Variants in PSD3 observed in about 807,000 individuals in gnomAD.
The protein encoded by PSD3 is PH and SEC7 domain-containing protein 3.
In PSD3, 49 loss-of-function variants were observed where a neutral mutation model predicts 105.5. The observed-to-expected ratio is 0.46, with a 90% CI of 0.37 to 0.59. PSD3 has a LOEUF of 0.59. Among genes scored for constraint, PSD3 ranks in the 20% least tolerant of loss-of-function variants. PSD3 has a pLI of 0.00. For missense variants in PSD3, 1,561 were observed against 1,263.8 expected, an observed-to-expected ratio of 1.24 and a Z score of -3.57; for synonymous variants, 557 against 457.8, an observed-to-expected ratio of 1.22 and a Z score of -2.77.
chr8:18,567,841 C>G (rs1461208198), intron 14 of PSD3, among the ~76,000 whole-genome samples: 1 of 152,190 alleles, frequency 6.6e-6, no homozygotes, highest in Non-Finnish European at 1.5e-5. Flanking sequence ...CTTGTCCCCT[C>G]CGAATCTCAT....
At chr8:18,691,352 G>A (rs181018537) in intron 9 of PSD3, among the ~76,000 whole-genome samples, 7 of 152,250 alleles carry the variant, frequency 4.6e-5, no homozygotes, top group South Asian at 2.1e-4. Context: ...GAACAAAGAC[G>A]GCCTCTGTGT....
chr8:18,821,861 ATGCACACACAC>A (rs1563312589), intron 4 of PSD3, among the ~76,000 whole-genome samples: 1 of 125,878 alleles, frequency 7.9e-6, no homozygotes, highest in South Asian at 2.7e-4. Flanking sequence ...ATGCACACAC[ATGCACACACAC>A]CACACACACA....
intron 1 of PSD3, among the ~76,000 whole-genome samples, chr8:19,026,701 C>CAAAAAAAAAAA (rs10669321): frequency 1.2e-5 from 1 of 82,244 alleles, no homozygotes; most frequent in Non-Finnish European, 2.3e-5. Flanking sequence ...CACATCTCTA[C>CAAAAAAAAAAA]AAAAAAAAAA....
At chr8:18,878,331 A>G (rs535782161) in intron 2 of PSD3, among the ~76,000 whole-genome samples, 1 of 152,304 alleles carries the variant, frequency 6.6e-6, no homozygotes, top group Non-Finnish European at 1.5e-5. Context: ...ACATATTTGT[A>G]GATTCCTCAG....
intron 9 of PSD3, among the ~76,000 whole-genome samples, chr8:18,693,560 T>C (rs951374633): frequency 3.2e-4 from 48 of 152,172 alleles, no homozygotes; most frequent in African/African-American, 1.1e-3. Flanking sequence ...CCCTGTAAGC[T>C]GGAAACAAAG....
chr8:18,978,008 T>C (rs1825037028), intron 1 of PSD3, among the ~76,000 whole-genome samples: 1 of 152,220 alleles, frequency 6.6e-6, no homozygotes, highest in South Asian at 2.1e-4. Context: ...ATACGTTCGA[T>C]ATCATGACGC....
chr8:19,032,581 C>G (rs908768397), intron 1 of PSD3, among the ~76,000 whole-genome samples: 1 of 150,024 alleles, frequency 6.7e-6, no homozygotes, highest in African/African-American at 2.5e-5. Flanking sequence ...GCTCGGGAGG[C>G]CAAGGCTGCA....
intron 2 of PSD3, among the ~76,000 whole-genome samples, chr8:18,913,086 A>AACACACACACACACACAC (rs72253853): frequency 2.3e-5 from 3 of 130,462 alleles, no homozygotes; most frequent in South Asian, 2.6e-4. Flanking sequence ...CACACACACA[A>AACACACACACACACACAC]ACACACACAC....
At chr8:18,635,748 G>C (rs182866977) in intron 10 of PSD3, among the ~76,000 whole-genome samples, 36 of 152,192 alleles carry the variant, frequency 2.4e-4, no homozygotes, top group Non-Finnish European at 4.3e-4. Context: ...CATGGATGAA[G>C]CTGGAAACCA....
intron 1 of PSD3, among the ~76,000 whole-genome samples, chr8:19,044,503 T>A (rs1412382680): frequency 6.6e-6 from 1 of 152,222 alleles, no homozygotes; most frequent in African/African-American, 2.4e-5. Flanking sequence ...GTTGAATAGA[T>A]TAAATAATAT....
intron 9 of PSD3, among the ~76,000 whole-genome samples, chr8:18,743,481 A>T (rs1321563071): frequency 6.6e-6 from 1 of 152,130 alleles, no homozygotes; most frequent in Non-Finnish European, 1.5e-5. Context: ...CAAGGAGGTG[A>T]AGGACAAACA....
At chr8:18,915,008 C>T (rs1586411146) in intron 2 of PSD3, among the ~76,000 whole-genome samples, 1 of 151,368 alleles carries the variant, frequency 6.6e-6, no homozygotes, top group Non-Finnish European at 1.5e-5. Flanking sequence ...CAGACCTAAA[C>T]CAATGGAACA....
chr8:18,835,413 T>A (rs1444914081), intron 4 of PSD3, among the ~76,000 whole-genome samples: 1 of 152,244 alleles, frequency 6.6e-6, no homozygotes, highest in Non-Finnish European at 1.5e-5. Context: ...TTATTTAACT[T>A]AGTCTTCCAA....
chr8:18,897,144 G>T (rs956559523), intron 2 of PSD3, among the ~76,000 whole-genome samples: 1 of 152,024 alleles, frequency 6.6e-6, no homozygotes, highest in Non-Finnish European at 1.5e-5. Flanking sequence ...TTCTAGCTAG[G>T]TTGATATAAT....
chr8:18,669,747 C>A (rs933490990), intron 9 of PSD3, among the ~76,000 whole-genome samples: 13 of 152,190 alleles, frequency 8.5e-5, no homozygotes, highest in Non-Finnish European at 1.6e-4. Context: ...TAAGTGAAAC[C>A]ATGAGTAACT....
chr8:18,921,641 T>A (rs967541203), intron 2 of PSD3, among the ~76,000 whole-genome samples: 1 of 152,198 alleles, frequency 6.6e-6, no homozygotes, highest in Non-Finnish European at 1.5e-5. Flanking sequence ...GCTTCCTGCA[T>A]TGGCTTCATA....
intron 6 of PSD3, among the ~76,000 whole-genome samples, chr8:18,801,583 C>G (rs1056645110): frequency 3.9e-5 from 6 of 152,102 alleles, no homozygotes; most frequent in African/African-American, 1.4e-4. Context: ...CTATAAAAAG[C>G]ACTGTGGGAG....
intron 1 of PSD3, among the ~76,000 whole-genome samples, chr8:19,040,570 T>G (rs1373136964): frequency 6.6e-6 from 1 of 152,186 alleles, no homozygotes; most frequent in Non-Finnish European, 1.5e-5. Flanking sequence ...TAACTTGGCC[T>G]GATTACATTT....
At chr8:18,853,982 T>C (rs1815796789) in intron 4 of PSD3, 1 of 152,014 alleles carries the variant, frequency 6.6e-6, no homozygotes, top group Admixed American at 6.5e-5. Context: ...CTCCTTACAA[T>C]GCTTTTCATT....
Sources: allele counts gnomAD v4.1 joint callset (sites outside exome capture counted in the v4.1 genomes callset), GRCh38; gene constraint gnomAD v4.1.1; transcripts MANE v1.5; gene names NCBI Gene and HGNC (gene_info 2026-07-23, HGNC 2026-07-21).